THRAP3: variants seen among roughly 807,000 people sequenced by gnomAD.
THRAP3 encodes the protein thyroid hormone receptor-associated protein 3.
Under a neutral mutation model 101.0 loss-of-function variants are expected in THRAP3, and 16 were observed. The observed-to-expected ratio is 0.16, with a 90% CI of 0.11 to 0.24. The LOEUF (loss-of-function observed/expected upper bound fraction) is 0.24. Ranked by LOEUF, THRAP3 falls within the 10% of genes least tolerant of loss-of-function variation. The pLI, the probability that THRAP3 is intolerant of heterozygous loss-of-function variation, is 1.00. For synonymous variants in THRAP3, 407 were observed against 422.6 expected, an observed-to-expected ratio of 0.96 and a Z score of 0.45; for missense variants, 989 against 1,202.7, an observed-to-expected ratio of 0.82 and a Z score of 2.63.
intron 9 of THRAP3, among the ~76,000 whole-genome samples, chr1:36,298,020 G>A (rs1303371740): frequency 6.6e-6 from 1 of 150,720 alleles, no homozygotes; most frequent in Non-Finnish European, 1.5e-5. Context: ...GGTGGCGTGC[G>A]CCTGTAATCC....
At chr1:36,235,228 C>T (rs1400147345) in intron 1 of THRAP3, among the ~76,000 whole-genome samples, 1 of 151,992 alleles carries the variant, frequency 6.6e-6, no homozygotes, top group Admixed American at 6.6e-5. Flanking sequence ...ACATGAATAT[C>T]ATTATAATTT....
At chr1:36,247,339 T>G (rs1370948080) in intron 1 of THRAP3, among the ~76,000 whole-genome samples, 1 of 151,914 alleles carries the variant, frequency 6.6e-6, no homozygotes, top group Non-Finnish European at 1.5e-5. Flanking sequence ...TAACTTTTTT[T>G]TTTGAGTTGG....
intron 2 of THRAP3, among the ~76,000 whole-genome samples, chr1:36,273,518 A>G (rs1359725897): frequency 6.6e-6 from 1 of 152,232 alleles, no homozygotes; most frequent in Non-Finnish European, 1.5e-5. Context: ...GAAGAACAAG[A>G]CCAAGACAAG....
chr1:36,223,147 A>C (rs1644916070), upstream of THRAP3, among the ~76,000 whole-genome samples: 1 of 152,062 alleles, frequency 6.6e-6, no homozygotes, highest in South Asian at 2.1e-4. Flanking sequence ...TAAATAAATA[A>C]AAATAAAATC....
At chr1:36,290,827 G>A (rs1645858252) in intron 5 of THRAP3, among the ~76,000 whole-genome samples, 1 of 152,222 alleles carries the variant, frequency 6.6e-6, no homozygotes, top group Non-Finnish European at 1.5e-5. Context: ...TTAGGAAAGA[G>A]TTGGGAGGCC....
intron 2 of THRAP3, among the ~76,000 whole-genome samples, chr1:36,263,756 G>A (rs1037197442): frequency 9.9e-5 from 15 of 152,114 alleles, no homozygotes; most frequent in African/African-American, 1.7e-4. Context: ...TAATAGACAC[G>A]CATTGACTGA....
chr1:36,266,117 GC>G (rs1313606667), intron 2 of THRAP3, among the ~76,000 whole-genome samples: 19 of 148,706 alleles, frequency 1.3e-4, no homozygotes, highest in Non-Finnish European at 2.7e-4. Flanking sequence ...TTGCACCACT[GC>G]ACTCTAGCCT....
At chr1:36,221,080 G>A (rs1387941778), upstream of THRAP3, among the ~76,000 whole-genome samples, 1 of 148,700 alleles carries the variant, frequency 6.7e-6, no homozygotes, top group Admixed American at 6.7e-5. Flanking sequence ...AGCTACTTGG[G>A]AGGCTGAGGC....
intron 2 of THRAP3, among the ~76,000 whole-genome samples, chr1:36,282,284 A>G (rs534839928): frequency 4.7e-5 from 7 of 150,292 alleles, no homozygotes; most frequent in Non-Finnish European, 1.0e-4. Context: ...CCAGAGCTGC[A>G]GTGCAGAGGT....
intron 1 of THRAP3, among the ~76,000 whole-genome samples, chr1:36,243,151 C>CTTT (rs58340320): frequency 4.9e-4 from 30 of 60,858 alleles, no homozygotes; most frequent in African/African-American, 8.0e-4. Context: ...GAGGAACTTT[C>CTTT]TTTTTTTTTT....
intron 2 of THRAP3, among the ~76,000 whole-genome samples, chr1:36,270,570 GGTTTTT>G (rs149062776): frequency 0.028 from 1,807 of 64,282 alleles, 82 homozygotes; most frequent in South Asian, 0.14. Context: ...TATTTGTTTA[GGTTTTT>G]GTTTTTTTTT....
rs1301554498 is a variant in THRAP3 at position 36,303,877 on chromosome 1, C to T, written c.2728C>T (p.Arg910Trp). 1.4e-5 allele frequency: 22 copies of T among 1,613,716 alleles called. No homozygotes were observed. Among genetic ancestry groups the T allele is most frequent in the Admixed American group, 3.3e-5 (2 of 59,906 alleles). ...GRGAFPRGRG[R>W]FMFRKSSTSP... is the part of the protein sequence containing the mutation. The stretch of plus-strand genomic sequence containing the variant: ...AGGAGCCTTTCCTCGGGGTCGGGGC[C>T]GGTTCATGTTCCGGAAATCAAGTAC... Residue 910 changes from arginine to tryptophan, a missense_variant, in exon 12 of 12, where the codon CGG (arginine) becomes TGG (tryptophan). Coordinates refer to ENST00000354618, the MANE Select transcript of THRAP3 (RefSeq NM_005119.4).
chr1:36,239,519 G>A (rs1208132208), intron 1 of THRAP3, among the ~76,000 whole-genome samples: 1 of 152,070 alleles, frequency 6.6e-6, no homozygotes, highest in Admixed American at 6.6e-5. Context: ...CTCTCACCTC[G>A]GCCTCCTAAA....
At chr1:36,208,773 T>C in the THRAP3 span, among the ~76,000 whole-genome samples, 2 of 151,624 alleles carry the variant, frequency 1.3e-5, no homozygotes, top group Non-Finnish European at 2.9e-5. Context: ...TTCAACCAAT[T>C]CTCCCGCCTC....
intron 1 of THRAP3, among the ~76,000 whole-genome samples, chr1:36,230,766 A>G (rs143824248): frequency 1.3e-5 from 2 of 152,278 alleles, no homozygotes; most frequent in African/African-American, 4.8e-5. Flanking sequence ...AGTTTTATGG[A>G]CTAAATCCAA....
chr1:36,274,562 G>A (rs976314287), intron 2 of THRAP3, among the ~76,000 whole-genome samples: 1 of 150,010 alleles, frequency 6.7e-6, no homozygotes, highest in Non-Finnish European at 1.5e-5. Flanking sequence ...AGGAGAGACA[G>A]ACAGGTCAGT....
the THRAP3 span, among the ~76,000 whole-genome samples, chr1:36,213,994 AAAGGAAAG>A: frequency 2.3e-5 from 2 of 85,836 alleles, no homozygotes; most frequent in Admixed American, 1.1e-4. Context: ...AGAAAGAAAG[AAAGGAAAG>A]AAAGAAAGAA....
Position 36,300,910 on chromosome 1 carries a change from G to C in THRAP3, c.2328G>C (p.Arg776Ser). 1 of 1,613,534 alleles carries C rather than the reference G, an allele frequency of 6.2e-7. No homozygotes were observed. Among genetic ancestry groups the C allele is most frequent in the Non-Finnish European group, 8.5e-7 (1 of 1,179,922 alleles). ...GGAAGCATCGGAGAGCAAGAGACAG[G>C]TCCAGATCCTCCTCCTCTTCCTCCC... ...KQKKHRRARDRSRSSSSSSQS... is the reference protein window; with the variant it reads ...KQKKHRRARDSSRSSSSSSQS... Residue 776 changes from arginine (R) to serine (S), a missense_variant, in exon 10 of 12, where the codon AGG becomes AGC. Physicochemically the swap from Arg to Ser is moderately radical, Grantham distance 110. Coordinates refer to ENST00000354618, the MANE Select transcript of THRAP3 (RefSeq NM_005119.4).
chr1:36,282,655 G>T lies in THRAP3; in HGVS notation c.92G>T (p.Arg31Leu), dbSNP rs771596867. The T allele has an allele frequency of 2.5e-6, 4 of 1,614,078 alleles. 1 individual carries two copies. In the South Asian group the frequency reaches 4.4e-5, roughly 18 times the overall value. Reference protein sequence around the residue: ...RSRSRSFSKSRSRSRSLSRSR... With the variant: ...RSRSRSFSKSLSRSRSLSRSR... ...CGTTCTCGTTCATTTTCGAAGTCTC[G>T]GTCCCGAAGCCGATCTCTCTCTCGT... The change falls in exon 3 of 12, where the codon CGG becomes CTG. Residue 31 changes from arginine (R) to leucine (L), a missense_variant. Physicochemically the swap from Arg to Leu is moderately radical, Grantham distance 102 (BLOSUM62 -2). Coordinates refer to ENST00000354618, the MANE Select transcript of THRAP3 (RefSeq NM_005119.4).
Sources: allele counts gnomAD v4.1 joint callset (sites outside exome capture counted in the v4.1 genomes callset), GRCh38; gene constraint gnomAD v4.1.1; transcripts MANE v1.5; gene names NCBI Gene and HGNC (gene_info 2026-07-23, HGNC 2026-07-21).